Variants in DPP10 observed in about 807,000 individuals in gnomAD.
DPP10 encodes dipeptidyl peptidase like 10.
DPP10 carries 33 observed loss-of-function variants against 120.9 expected under a neutral mutation model. The observed-to-expected ratio is 0.27, with a 90% CI of 0.21 to 0.37. The LOEUF (loss-of-function observed/expected upper bound fraction) is 0.37, where lower values mean the gene tolerates loss of function less well. DPP10 is among the 10% of genes least tolerant of loss of function. The pLI is 1.00. For synonymous variants in DPP10, 337 were observed against 326.1 expected (o/e 1.03, Z -0.36); for missense variants, 816 against 942.8 (o/e 0.87, Z 1.76).
intron 5 of DPP10, among the ~76,000 whole-genome samples, chr2:115,656,761 A>G (rs1297522428): frequency 2.0e-5 from 3 of 151,744 alleles, no homozygotes; most frequent in Non-Finnish European, 3.0e-5. Flanking sequence ...AAGAGCATAC[A>G]TAAGATAGAC....
At chr2:115,435,977 C>G (rs2071458230) in intron 3 of DPP10, among the ~76,000 whole-genome samples, 1 of 151,770 alleles carries the variant, frequency 6.6e-6, no homozygotes, top group South Asian at 2.1e-4. Context: ...GTTCTTGGCA[C>G]CTGTCTAGTG....
chr2:115,255,390 T>C (rs1418275160), intron 1 of DPP10, among the ~76,000 whole-genome samples: 1 of 152,218 alleles, frequency 6.6e-6, no homozygotes, highest in Non-Finnish European at 1.5e-5. Context: ...TTTTCCTTCC[T>C]GTGCCTCTTG....
intron 1 of DPP10, among the ~76,000 whole-genome samples, chr2:115,112,656 A>G (rs780733875): frequency 9.2e-5 from 14 of 152,326 alleles, no homozygotes; most frequent in East Asian, 3.9e-4. Context: ...TGAAATCAAG[A>G]AAAAAGTTGA....
At chr2:114,712,475 T>TGAGGTA (rs1415228102) in intron 1 of DPP10, among the ~76,000 whole-genome samples, 3 of 152,298 alleles carry the variant, frequency 2.0e-5, no homozygotes, top group Admixed American at 6.5e-5. Flanking sequence ...ACACTAGACA[T>TGAGGTA]GAGGTAGGAC....
chr2:115,748,257 C>T (rs1678258220), intron 10 of DPP10, among the ~76,000 whole-genome samples: 1 of 150,266 alleles, frequency 6.7e-6, no homozygotes, highest in Admixed American at 6.6e-5. Context: ...GTTACTTAAG[C>T]ATCTGGTATA....
chr2:115,844,940 G>T lies in DPP10; in HGVS notation c.*2595G>T, dbSNP rs1460509950. ...TCTCATCTCTTTGAGTTTCCTGACA[G>T]AACTAAAGGAAGGAATCACTCTTCA... On this transcript the variant is annotated 3_prime_UTR_variant, in exon 26 of 26. Coordinates refer to ENST00000410059, the MANE Select transcript of DPP10 (RefSeq NM_020868.6). The T allele has an allele frequency of 6.6e-6, 1 of 152,086 alleles. No homozygotes were observed. The highest frequency in any genetic ancestry group is 1.5e-5 in the Non-Finnish European group (1 of 68,012). 9.4% of individuals were successfully genotyped at this position (152,086 alleles called of 1,614,324 possible).
chr2:114,613,417 C>T (rs113655618), intron 1 of DPP10, among the ~76,000 whole-genome samples: 1 of 152,068 alleles, frequency 6.6e-6, no homozygotes, highest in Non-Finnish European at 1.5e-5. Context: ...AAAACCCAAC[C>T]TTTTCTCAAG....
intron 1 of DPP10, among the ~76,000 whole-genome samples, chr2:114,758,789 G>T (rs1261189725): frequency 2.0e-5 from 3 of 152,130 alleles, no homozygotes; most frequent in African/African-American, 7.2e-5. Flanking sequence ...TCAACTGTAT[G>T]TATGTTGTCT....
intron 2 of DPP10, among the ~76,000 whole-genome samples, chr2:115,317,308 T>A (rs1559411778): frequency 1.3e-5 from 2 of 152,194 alleles, no homozygotes; most frequent in African/African-American, 2.4e-5. Context: ...CTTTAGTGTC[T>A]AACATCTTTC....
chr2:114,798,124 A>G (rs1402875604), intron 1 of DPP10, among the ~76,000 whole-genome samples: 1 of 152,200 alleles, frequency 6.6e-6, no homozygotes, highest in Non-Finnish European at 1.5e-5. Flanking sequence ...GAAACCACTG[A>G]AGGCCAGCCA....
chr2:115,542,779 A>G (rs1015556395), intron 5 of DPP10, among the ~76,000 whole-genome samples: 2 of 151,858 alleles, frequency 1.3e-5, no homozygotes, highest in African/African-American at 2.4e-5. Flanking sequence ...GTAACTGTAT[A>G]ACTATGGTGA....
At chr2:115,038,779 A>C (rs1034694104) in intron 1 of DPP10, among the ~76,000 whole-genome samples, 3 of 152,200 alleles carry the variant, frequency 2.0e-5, no homozygotes, top group Non-Finnish European at 2.9e-5. Flanking sequence ...AGGAAGCTGA[A>C]GCCCAGAGAG....
chr2:115,512,018 C>T (rs2077259050), intron 4 of DPP10, among the ~76,000 whole-genome samples: 1 of 151,940 alleles, frequency 6.6e-6, no homozygotes, highest in African/African-American at 2.4e-5. Flanking sequence ...AGGTGTGAGC[C>T]ACCACACAAG....
At chr2:114,609,545 C>T (rs186105226) in intron 1 of DPP10, among the ~76,000 whole-genome samples, 4 of 152,168 alleles carry the variant, frequency 2.6e-5, no homozygotes, top group East Asian at 1.9e-4. Context: ...GGATTTGAAA[C>T]GAGGCAAAAG....
chr2:114,458,918 T>C (rs548075075), intron 1 of DPP10, among the ~76,000 whole-genome samples: 1 of 152,160 alleles, frequency 6.6e-6, no homozygotes, highest in Non-Finnish European at 1.5e-5. Flanking sequence ...AATGAATAGA[T>C]CAACAAAAAT....
At chr2:115,803,765 A>G (rs140984192) in intron 19 of DPP10, among the ~76,000 whole-genome samples, 10 of 152,092 alleles carry the variant, frequency 6.6e-5, no homozygotes, top group African/African-American at 2.2e-4. Flanking sequence ...GGCCCCCACT[A>G]TCTTCTGGCT....
chr2:115,389,041 C>T (rs1052183712), intron 3 of DPP10, among the ~76,000 whole-genome samples: 2 of 152,164 alleles, frequency 1.3e-5, no homozygotes, highest in African/African-American at 4.8e-5. Flanking sequence ...CTCCAACTTT[C>T]CTTTACCAAA....
At chr2:114,651,922 T>G (rs183835280) in intron 1 of DPP10, among the ~76,000 whole-genome samples, 2 of 152,274 alleles carry the variant, frequency 1.3e-5, no homozygotes, top group Non-Finnish European at 2.9e-5. Context: ...CATTTTAATG[T>G]GCTTGCCCGG....
Position 115,084,704 on chromosome 2 carries a change from C to CA in DPP10, c.61-224534dup, listed in dbSNP as rs2104516499. Among the ~76,000 whole-genome samples, 3 of 152,288 alleles carry CA rather than the reference C, an allele frequency of 2.0e-5. No homozygotes were observed. The East Asian group carries it at 5.8e-4, about 29-fold the overall frequency. ...AGCAGCTAAGAAAACAACGGAGGGA[C>CA]ACTGGCGTCCTTCCTCCGAGAGCTC... On this transcript the variant is annotated intron_variant, in intron 1 of 25. Transcript: ENST00000410059.
Sources: gnomAD v4.1 joint callset for allele counts (sites outside exome capture counted in the v4.1 genomes callset) on GRCh38, gnomAD v4.1.1 for gene constraint, MANE v1.5 for transcripts, NCBI Gene and HGNC (gene_info 2026-07-23, HGNC 2026-07-21) for gene names.